HMGN3: variants seen among roughly 807,000 people sequenced by gnomAD.
The protein encoded by HMGN3 is high mobility group nucleosome-binding domain-containing protein 3.
HMGN3 carries 6 observed loss-of-function variants against 18.8 expected under a neutral mutation model. The observed-to-expected ratio is 0.32, with a 90% CI of 0.18 to 0.63. HMGN3 has a LOEUF of 0.63. HMGN3 is among the 30% of genes least tolerant of loss of function. The pLI is 0.79. For synonymous variants in HMGN3, 40 were observed against 36.5 expected (o/e 1.10, Z -0.35); for missense variants, 107 against 114.2 (o/e 0.94, Z 0.29).
At chr6:79,233,362 CATATA>C (rs1412829398) in intron 1 of HMGN3, among the ~76,000 whole-genome samples, 1 of 152,234 alleles carries the variant, frequency 6.6e-6, no homozygotes, top group African/African-American at 2.4e-5. Context: ...TTAGTAATAA[CATATA>C]AGAAGGGGAA....
intron 1 of HMGN3, among the ~76,000 whole-genome samples, chr6:79,231,015 G>C (rs1358110836): frequency 3.3e-5 from 5 of 152,164 alleles, no homozygotes; most frequent in Admixed American, 2.6e-4. Flanking sequence ...TTCAAAGCTA[G>C]AGGCAGATGG....
chr6:79,215,863 C>A (rs1374103047), intron 1 of HMGN3, among the ~76,000 whole-genome samples: 1 of 152,116 alleles, frequency 6.6e-6, no homozygotes, highest in Non-Finnish European at 1.5e-5. Context: ...GACTATTTAA[C>A]ATTTTTAAAC....
At chr6:79,212,561 C>T (rs9343884) in intron 2 of HMGN3, among the ~76,000 whole-genome samples, 1 of 151,936 alleles carries the variant, frequency 6.6e-6, no homozygotes, top group Non-Finnish European at 1.5e-5. Context: ...ATCTGCCTTC[C>T]TCTCATTTTA....
At chr6:79,219,627 A>G (rs963410632) in intron 1 of HMGN3, among the ~76,000 whole-genome samples, 8 of 152,180 alleles carry the variant, frequency 5.3e-5, no homozygotes, top group Non-Finnish European at 1.2e-4. Flanking sequence ...GAAATACAAC[A>G]TATAATTTTA....
intron 1 of HMGN3, among the ~76,000 whole-genome samples, chr6:79,233,366 TAAG>T (rs796255075): frequency 5.9e-5 from 9 of 152,278 alleles, no homozygotes; most frequent in African/African-American, 2.2e-4. Context: ...TAATAACATA[TAAG>T]AAGGGGAAAG....
At chr6:79,204,400 G>A (rs144999084) in intron 3 of HMGN3, among the ~76,000 whole-genome samples, 2 of 152,328 alleles carry the variant, frequency 1.3e-5, no homozygotes, top group Non-Finnish European at 2.9e-5. Flanking sequence ...TGCACACCGT[G>A]TGACCATGGA....
At chr6:79,214,991 G>C in exon 2 of HMGN3, 1 of 1,522,848 alleles carries the variant, frequency 6.6e-7, no homozygotes. Context: ...AGTTACTTTG[G>C]ATCCATCTTT....
At chr6:79,202,094 A>T (rs1158555365) in intron 5 of HMGN3, 1 of 1,539,366 alleles carries the variant, frequency 6.5e-7, no homozygotes, top group Non-Finnish European at 8.7e-7. Context: ...CTTTACTGAC[A>T]GTGTGCTGGG....
chr6:79,225,912 A>C (rs4706756), intron 1 of HMGN3, among the ~76,000 whole-genome samples: 1 of 152,132 alleles, frequency 6.6e-6, no homozygotes, highest in Non-Finnish European at 1.5e-5. Context: ...TTTCTACAAC[A>C]GGCATTTAGA....
At chr6:79,205,940 T>A (rs186877638) in intron 3 of HMGN3, among the ~76,000 whole-genome samples, 93 of 152,272 alleles carry the variant, frequency 6.1e-4, no homozygotes, top group African/African-American at 2.2e-3. Context: ...GTGACTCTTG[T>A]TACGTTTTAG....
chr6:79,232,848 C>T (rs1777920370), intron 1 of HMGN3, among the ~76,000 whole-genome samples: 1 of 152,152 alleles, frequency 6.6e-6, no homozygotes, highest in Admixed American at 6.5e-5. Flanking sequence ...TCCTTTGTCT[C>T]TACTAGAATT....
intron 1 of HMGN3, among the ~76,000 whole-genome samples, chr6:79,218,742 T>C (rs1561995694): frequency 6.6e-6 from 1 of 152,188 alleles, no homozygotes; most frequent in East Asian, 1.9e-4. Context: ...TAGATGGTGG[T>C]TTATTATTAT....
At chr6:79,225,252 A>G (rs1777510883) in intron 1 of HMGN3, among the ~76,000 whole-genome samples, 1 of 152,236 alleles carries the variant, frequency 6.6e-6, no homozygotes, top group South Asian at 2.1e-4. Flanking sequence ...AAAGTAAAAG[A>G]AATAAGAAAA....
At chr6:79,206,412 G>A (rs185258963) in intron 3 of HMGN3, among the ~76,000 whole-genome samples, 1 of 152,290 alleles carries the variant, frequency 6.6e-6, no homozygotes, top group Non-Finnish European at 1.5e-5. Context: ...CGCTCCAGCT[G>A]TGACTAAAAG....
chr6:79,203,719 C>G, intron 3 of HMGN3, 89 bp from the exon 4 acceptor site: 1 of 1,011,992 alleles, frequency 9.9e-7, no homozygotes, highest in Non-Finnish European at 1.5e-6. Context: ...ACAAAGACAA[C>G]TATCCATTTT....
At chr6:79,207,257 T>C (rs1188954164) in intron 3 of HMGN3, among the ~76,000 whole-genome samples, 1 of 152,104 alleles carries the variant, frequency 6.6e-6, no homozygotes, top group South Asian at 2.1e-4. Context: ...TTTGGCTATG[T>C]CCCCACCCAA....
At chr6:79,231,132 T>C (rs1046686295) in intron 1 of HMGN3, among the ~76,000 whole-genome samples, 1 of 152,160 alleles carries the variant, frequency 6.6e-6, no homozygotes, top group Non-Finnish European at 1.5e-5. Flanking sequence ...CACTAGACAT[T>C]TAAAATAGTT....
chr6:79,219,340 T>C (rs1210891453), intron 1 of HMGN3, among the ~76,000 whole-genome samples: 2 of 152,240 alleles, frequency 1.3e-5, no homozygotes, highest in Non-Finnish European at 2.9e-5. Flanking sequence ...TAGAATTCTA[T>C]ACCTAGCTAT....
chr6:79,231,941 C>T (rs932354604), intron 1 of HMGN3, among the ~76,000 whole-genome samples: 1 of 152,160 alleles, frequency 6.6e-6, no homozygotes, highest in Non-Finnish European at 1.5e-5. Context: ...AGCATTACAA[C>T]AGGGCTAGGA....
Sources: gnomAD v4.1 joint callset for allele counts (sites outside exome capture counted in the v4.1 genomes callset) on GRCh38, gnomAD v4.1.1 for gene constraint, MANE v1.5 for transcripts, NCBI Gene and HGNC (gene_info 2026-07-23, HGNC 2026-07-21) for gene names.